Variants in FRMD5 observed in about 807,000 individuals in gnomAD.
The protein encoded by FRMD5 is FERM domain containing 5, also known as FERM domain-containing protein 5.
In FRMD5, 20 loss-of-function variants were observed where a neutral mutation model predicts 69.0. That is an observed-to-expected ratio of 0.29 (90% CI 0.20 to 0.42). The LOEUF (loss-of-function observed/expected upper bound fraction) is 0.42, where lower values mean the gene tolerates loss of function less well. FRMD5 is among the 10% of genes least tolerant of loss of function. FRMD5 has a pLI of 1.00. For missense variants in FRMD5, 595 were observed against 708.6 expected, an observed-to-expected ratio of 0.84 and a Z score of 1.82; for synonymous variants, 271 against 260.1, an observed-to-expected ratio of 1.04 and a Z score of -0.40.
At chr15:44,119,532 G>A (rs1363706939) in intron 1 of FRMD5, among the ~76,000 whole-genome samples, 3 of 151,896 alleles carry the variant, frequency 2.0e-5, no homozygotes, top group African/African-American at 7.3e-5. Flanking sequence ...TGGCCTTTTG[G>A]AATAAAATAT....
rs201841143 is a variant in FRMD5, at chr15:43,919,577, C to T, written c.251-40G>A. Reference sequence around the variant, plus strand: ...AGGTGCTCATCAGGGAAGACTCTCACCCAGAAGAGGACAGGGCTCTTCTGC... The same window carrying T: ...AGGTGCTCATCAGGGAAGACTCTCATCCAGAAGAGGACAGGGCTCTTCTGC... On this transcript the variant is annotated intron_variant, in intron 3 of 13. Coordinates refer to ENST00000417257, the MANE Select transcript of FRMD5 (RefSeq NM_032892.5). The T allele has an allele frequency of 1.5e-5, 24 of 1,597,430 alleles. No individual in the cohort carries two copies. The East Asian group carries it at 4.0e-4, about 27-fold the overall frequency.
chr15:44,082,316 A>T (rs1181626115), intron 1 of FRMD5, among the ~76,000 whole-genome samples: 2 of 151,966 alleles, frequency 1.3e-5, no homozygotes, highest in East Asian at 3.8e-4. Flanking sequence ...ATATATTTTT[A>T]AATGTATTCT....
chr15:43,978,758 G>T (rs1032081925), intron 1 of FRMD5, among the ~76,000 whole-genome samples: 2 of 151,954 alleles, frequency 1.3e-5, no homozygotes, highest in African/African-American at 4.8e-5. Flanking sequence ...CACCATTTTG[G>T]CCAGGCTGGT....
intron 1 of FRMD5, among the ~76,000 whole-genome samples, chr15:44,180,060 AAAAAAAAAAAAAGGC>A (rs2077969917): frequency 6.6e-6 from 1 of 150,680 alleles, no homozygotes; most frequent in African/African-American, 2.5e-5. Context: ...CTTAAAAAAA[AAAAAAAAAAAAAGGC>A]AAAAAAGGCA....
intron 7 of FRMD5, among the ~76,000 whole-genome samples, chr15:43,898,758 G>C (rs2140390774): frequency 6.6e-6 from 1 of 152,356 alleles, no homozygotes; most frequent in African/African-American, 2.4e-5. Flanking sequence ...GGCTTGGGCT[G>C]CTGGGGCTCC....
intron 1 of FRMD5, among the ~76,000 whole-genome samples, chr15:43,932,913 C>T (rs1455376423): frequency 1.3e-5 from 2 of 152,258 alleles, no homozygotes; most frequent in African/African-American, 4.8e-5. Flanking sequence ...GTCATTTTCA[C>T]TGCTTCTCCT....
intron 1 of FRMD5, among the ~76,000 whole-genome samples, chr15:44,187,613 G>A (rs1176327359): frequency 2.7e-5 from 4 of 150,606 alleles, no homozygotes; most frequent in African/African-American, 9.8e-5. Flanking sequence ...TGTAGCCCAG[G>A]CTGGAGTACA....
intron 1 of FRMD5, among the ~76,000 whole-genome samples, chr15:44,033,496 T>A (rs1891777042): frequency 6.6e-6 from 1 of 152,240 alleles, no homozygotes; most frequent in African/African-American, 2.4e-5. Flanking sequence ...AGTCTCTTTT[T>A]TGATATAGCA....
At chr15:43,934,972 G>C (rs891917530) in intron 1 of FRMD5, among the ~76,000 whole-genome samples, 1 of 152,198 alleles carries the variant, frequency 6.6e-6, no homozygotes, top group Non-Finnish European at 1.5e-5. Context: ...GAAGGGATAG[G>C]AACTGACAGA....
At chr15:44,037,619 C>T (rs547925924) in intron 1 of FRMD5, among the ~76,000 whole-genome samples, 18 of 151,408 alleles carry the variant, frequency 1.2e-4, no homozygotes, top group African/African-American at 3.2e-4. Flanking sequence ...AGGTGCATGC[C>T]GCCACACCCA....
chr15:44,041,758 A>G (rs552111456), intron 1 of FRMD5, among the ~76,000 whole-genome samples: 101 of 152,334 alleles, frequency 6.6e-4, no homozygotes, highest in African/African-American at 2.4e-3. Context: ...ACGTACCAGA[A>G]TCTCTGTGAC....
At chr15:43,996,513 C>T (rs1233081666) in intron 1 of FRMD5, among the ~76,000 whole-genome samples, 1 of 152,152 alleles carries the variant, frequency 6.6e-6, no homozygotes, top group Non-Finnish European at 1.5e-5. Flanking sequence ...TGTACTCCCT[C>T]ATCTGATTTC....
At chr15:43,948,389 G>T (rs1005432096) in intron 1 of FRMD5, among the ~76,000 whole-genome samples, 3 of 152,024 alleles carry the variant, frequency 2.0e-5, no homozygotes, top group Non-Finnish European at 4.4e-5. Context: ...TTGTAAGCAT[G>T]GGGGAAGAAA....
At chr15:44,005,989 A>G (rs1328210814) in intron 1 of FRMD5, among the ~76,000 whole-genome samples, 3 of 152,236 alleles carry the variant, frequency 2.0e-5, no homozygotes, top group Admixed American at 1.3e-4. Context: ...AGGTGGCTAC[A>G]ACAGATTTTC....
chr15:44,158,613 T>C (rs1195447954), intron 1 of FRMD5, among the ~76,000 whole-genome samples: 1 of 152,240 alleles, frequency 6.6e-6, no homozygotes, highest in African/African-American at 2.4e-5. Flanking sequence ...TAGAAGATTA[T>C]GTGCAACTGC....
chr15:43,877,180 C>T (rs1274045091), intron 13 of FRMD5, among the ~76,000 whole-genome samples: 1 of 152,162 alleles, frequency 6.6e-6, no homozygotes. Flanking sequence ...GCCTTTGTGA[C>T]CTATGACAAG....
At position 44,078,435 on chromosome 15, in the gene FRMD5, T is replaced by C. The variant is rs113493224; in HGVS notation, c.102+116518A>G. Among the ~76,000 whole-genome samples, 1,138 of 152,230 alleles carry C rather than the reference T, an allele frequency of 7.5e-3. 21 individuals are homozygous for C. Among genetic ancestry groups the C allele is most frequent in the African/African-American group, 0.026 (1,090 of 41,558 alleles). On this transcript the variant is annotated intron_variant, in intron 1 of 13. Transcript: ENST00000417257. ...CAAGTAAAAGTATGTTACTGTCCTA[T>C]AATTCACATAGAATCTCAAGAATCC... is the stretch of plus-strand genomic sequence containing the variant.
chr15:44,153,920 A>G (rs901883158), intron 1 of FRMD5, among the ~76,000 whole-genome samples: 2 of 152,184 alleles, frequency 1.3e-5, no homozygotes, highest in Admixed American at 1.3e-4. Context: ...GTAAGCCAAG[A>G]TGGCGCCACT....
intron 1 of FRMD5, among the ~76,000 whole-genome samples, chr15:43,951,019 T>G (rs2090017869): frequency 6.6e-6 from 1 of 152,198 alleles, no homozygotes; most frequent in African/African-American, 2.4e-5. Flanking sequence ...TCAGAAGATC[T>G]ACAGAGGAAA....
Sources: gnomAD v4.1 joint callset for allele counts (sites outside exome capture counted in the v4.1 genomes callset) on GRCh38, gnomAD v4.1.1 for gene constraint, MANE v1.5 for transcripts, NCBI Gene and HGNC (gene_info 2026-07-23, HGNC 2026-07-21) for gene names.